Variants in EIF5B observed in about 807,000 individuals in gnomAD.
EIF5B encodes eukaryotic translation initiation factor 5B.
Under a neutral mutation model 147.5 loss-of-function variants are expected in EIF5B, and 47 were observed. The ratio of observed to expected loss-of-function variants is 0.32; its 90% CI spans 0.25 to 0.41. The LOEUF (loss-of-function observed/expected upper bound fraction) is 0.41, where lower values mean the gene tolerates loss of function less well. Among genes scored for constraint, EIF5B ranks in the 10% least tolerant of loss-of-function variants. The pLI is 1.00. For synonymous variants in EIF5B, 455 were observed against 456.2 expected (o/e 1.00, Z 0.03); for missense variants, 1,064 against 1,413.2 (o/e 0.75, Z 3.96).
At position 99,361,349 on chromosome 2, in the gene EIF5B, G is replaced by T. The variant is rs762706956; in HGVS notation, c.448G>T (p.Ala150Ser). The change falls in exon 4 of 24, where the codon GCT (alanine) becomes TCT (serine). Residue 150 changes from alanine to serine, a missense_variant. Coordinates refer to ENST00000289371, the MANE Select transcript of EIF5B (RefSeq NM_015904.4). ...TGATTTTAACAAACTTCCTAAAAAA[G>T]CTAAAGGGAAAGCTCAAAAATCAAA... ...DDDFNKLPKK[A>S]KGKAQKSNKK... 41 of 1,610,912 alleles carry T rather than the reference G, an allele frequency of 2.5e-5. No homozygotes were observed. The highest frequency in any genetic ancestry group is 3.3e-4 in the Middle Eastern group (2 of 6,074).
chr2:99,341,038 A>G (rs2094258386), intron 1 of EIF5B, among the ~76,000 whole-genome samples: 1 of 152,196 alleles, frequency 6.6e-6, no homozygotes, highest in Non-Finnish European at 1.5e-5. Flanking sequence ...GCCTGGAATT[A>G]CAGGTGTGAT....
chr2:99,342,300 C>T lies in EIF5B; in HGVS notation c.35+4711C>T, dbSNP rs539229020. On this transcript the variant is annotated intron_variant, in intron 1 of 23. Coordinates refer to ENST00000289371, the MANE Select transcript of EIF5B (RefSeq NM_015904.4). Reference sequence around the variant, plus strand: ...TTGAGATTGATTTCAATTGGGAGTCCATTAAGTTTATAGATTATTTGTGAC... The same window carrying T: ...TTGAGATTGATTTCAATTGGGAGTCTATTAAGTTTATAGATTATTTGTGAC... Among the ~76,000 whole-genome samples, 22 of 151,828 alleles carry T rather than the reference C, an allele frequency of 1.4e-4. No individual in the cohort carries two copies. In the South Asian group the frequency reaches 4.6e-3, roughly 32 times the overall value.
Position 99,399,609 on chromosome 2 carries a change from T to C in EIF5B, c.*195T>C. 2 of 535,556 alleles carry C rather than the reference T, an allele frequency of 3.7e-6. No homozygotes were observed. Among genetic ancestry groups the C allele is most frequent in the Non-Finnish European group, 6.7e-6 (2 of 296,348 alleles). The allele number at this position is 535,556 out of a possible 1,614,324, so 33.2% of individuals were successfully genotyped here. A position where few individuals can be genotyped will look rare whatever the true frequency, so the allele number is the denominator to read the frequency against. On this transcript the variant is annotated 3_prime_UTR_variant, in exon 24 of 24. Coordinates refer to ENST00000289371, the MANE Select transcript of EIF5B (RefSeq NM_015904.4). ...ACTGGTTTGACAGTGGTCAGTTACA[T>C]GTCCCCACAGTTCCAATGTGCCTGT...
At chr2:99,384,614 G>T (rs1584648) in intron 14 of EIF5B, among the ~76,000 whole-genome samples, 2 of 152,060 alleles carry the variant, frequency 1.3e-5, no homozygotes, top group Non-Finnish European at 2.9e-5. Context: ...TATGAAGAAC[G>T]TTCATGATCC....
chr2:99,364,581 AT>A (rs1400352970), intron 6 of EIF5B, among the ~76,000 whole-genome samples, 160 bp downstream of exon 6: 1 of 152,252 alleles, frequency 6.6e-6, no homozygotes, highest in Non-Finnish European at 1.5e-5. Flanking sequence ...ATGTCATTTC[AT>A]TGTTTAGGAA....
At position 99,379,127 on chromosome 2, in the gene EIF5B, G is replaced by T; in HGVS notation, c.1950+1G>T. ...AGGGAAGACAAAAATTCTAGATAAG[G>T]TAAGAAAGTATTAAATGTATTGATA... On this transcript the variant is annotated splice_donor_variant, in intron 11 of 23. Transcript: ENST00000289371. LOFTEE classifies it high-confidence loss of function. 6.3e-7 allele frequency: 1 copy of T among 1,590,286 alleles called. No homozygotes were observed. Among genetic ancestry groups the T allele is most frequent in the Non-Finnish European group, 8.6e-7 (1 of 1,169,060 alleles).
At chr2:99,371,588 C>CT in intron 8 of EIF5B, 68 bp from the exon 9 acceptor site, 2 of 1,363,768 alleles carry the variant, frequency 1.5e-6, no homozygotes, top group East Asian at 2.7e-5. Context: ...TAATTTTTTA[C>CT]TTTTTTCTAA....
chr2:99,358,740 A>G (rs1168474655), intron 1 of EIF5B, among the ~76,000 whole-genome samples: 1 of 152,130 alleles, frequency 6.6e-6, no homozygotes, highest in Non-Finnish European at 1.5e-5. Context: ...TGTGTCTGGT[A>G]TGTGTACCCC....
At position 99,400,165 on chromosome 2, in the gene EIF5B, C is replaced by T. The variant is rs1393501509; in HGVS notation, c.*751C>T. The T allele has an allele frequency of 1.3e-5, 2 of 152,212 alleles. No individual in the cohort carries two copies. The highest frequency in any genetic ancestry group is 3.8e-4 in the East Asian group (2 of 5,202). The allele number at this position is 152,212 out of a possible 1,614,324, so 9.4% of individuals were successfully genotyped here. ...TCTTACAAACTAAACTATCATCACA[C>T]TACCTTGTATGCCAGCACCTGGTAA... is the stretch of plus-strand genomic sequence containing the variant. On this transcript the variant is annotated 3_prime_UTR_variant, in exon 24 of 24. Coordinates refer to ENST00000289371, the MANE Select transcript of EIF5B (RefSeq NM_015904.4).
At position 99,379,132 on chromosome 2, in the gene EIF5B, A is replaced by G; in HGVS notation, c.1950+6A>G. On this transcript the variant is annotated splice_donor_region_variant and intron_variant, in intron 11 of 23. Coordinates refer to ENST00000289371, the MANE Select transcript of EIF5B (RefSeq NM_015904.4). Reference sequence around the variant, plus strand: ...AGACAAAAATTCTAGATAAGGTAAGAAAGTATTAAATGTATTGATAGAACT... The same window carrying G: ...AGACAAAAATTCTAGATAAGGTAAGGAAGTATTAAATGTATTGATAGAACT... 6.3e-7 allele frequency: 1 copy of G among 1,587,698 alleles called. No homozygotes were observed. Among genetic ancestry groups the G allele is most frequent in the African/African-American group, 1.4e-5 (1 of 73,706 alleles).
rs1324784290 is a variant in EIF5B at position 99,389,754 on chromosome 2, T to C, written c.2308T>C (p.Ser770Pro). Reference protein sequence around the residue: ...RLYDWKKSPDSDVAATLKKQK... With the variant: ...RLYDWKKSPDPDVAATLKKQK... Reference sequence around the variant, plus strand: ...ATATGATTGGAAAAAGAGTCCTGACTCTGATGTGGCTGCTACTTTAAAGAA... The same window carrying C: ...ATATGATTGGAAAAAGAGTCCTGACCCTGATGTGGCTGCTACTTTAAAGAA... The change falls in exon 15 of 24, where the codon TCT becomes CCT. Residue 770 changes from serine to proline, a missense_variant. Ser to Pro is a moderately conservative substitution (Grantham distance 74, BLOSUM62 -1). Around this residue, in one of 4 missense-constraint regions of EIF5B, gnomAD observed 380 missense variants for 715.6 expected, o/e 0.53. Transcript: ENST00000289371. 1.2e-6 allele frequency: 2 copies of C among 1,612,018 alleles called. No individual in the cohort carries two copies. The highest frequency in any genetic ancestry group is 1.7e-6 in the Non-Finnish European group (2 of 1,179,568).
At chr2:99,383,180 C>T (rs904109627) in intron 14 of EIF5B, among the ~76,000 whole-genome samples, 1 of 151,850 alleles carries the variant, frequency 6.6e-6, no homozygotes, top group African/African-American at 2.4e-5. Context: ...CTTGTGTTCA[C>T]TTCTTGTCAC....
intron 13 of EIF5B, 77 bp from the exon 14 acceptor site, chr2:99,382,703 C>A: frequency 7.2e-7 from 1 of 1,387,374 alleles, no homozygotes; most frequent in Non-Finnish European, 9.6e-7. Context: ...TTGGGTTTTA[C>A]AGAGAAGTTT....
intron 12 of EIF5B, among the ~76,000 whole-genome samples, chr2:99,381,277 A>G (rs1674682307): frequency 6.6e-6 from 1 of 152,208 alleles, no homozygotes; most frequent in African/African-American, 2.4e-5. Flanking sequence ...AACGTAAGGA[A>G]CAAGATTATT....
At chr2:99,345,960 TGTG>T (rs1156972304) in intron 1 of EIF5B, among the ~76,000 whole-genome samples, 4 of 130,306 alleles carry the variant, frequency 3.1e-5, no homozygotes, top group South Asian at 4.7e-4. Flanking sequence ...AAAAAAAAAA[TGTG>T]GTGAATTGGG....
chr2:99,373,099 A>AT (rs1466664087), intron 9 of EIF5B, among the ~76,000 whole-genome samples: 1 of 152,180 alleles, frequency 6.6e-6, no homozygotes, highest in Non-Finnish European at 1.5e-5. Context: ...ATTGATATAT[A>AT]TATTTCTAAC....
In EIF5B at chr2:99,400,153, A is replaced by G. The variant is rs1675186886; in HGVS notation, c.*739A>G. On this transcript the variant is annotated 3_prime_UTR_variant, in exon 24 of 24. Coordinates refer to ENST00000289371, the MANE Select transcript of EIF5B (RefSeq NM_015904.4). ...GGACAAGAATTATCTTACAAACTAAACTATCATCACACTACCTTGTATGCC... is the reference window on the plus strand; with the variant it reads ...GGACAAGAATTATCTTACAAACTAAGCTATCATCACACTACCTTGTATGCC... The G allele has an allele frequency of 6.6e-6, 1 of 151,822 alleles. No homozygotes were observed. Among genetic ancestry groups the G allele is most frequent in the South Asian group, 2.1e-4 (1 of 4,828 alleles). The allele number at this position is 151,822 out of a possible 1,614,324, so 9.4% of individuals were successfully genotyped here. A position where few individuals can be genotyped will look rare whatever the true frequency, so the allele number is the denominator to read the frequency against.
chr2:99,361,968 A>G, intron 4 of EIF5B, 148 bp downstream of exon 4: 5 of 556,358 alleles, frequency 9.0e-6, no homozygotes, highest in African/African-American at 3.9e-5. Context: ...ACGTCTAAGT[A>G]TTTGACTTGA....
At position 99,400,390 on chromosome 2, in the gene EIF5B, T is replaced by C. The variant is rs1409655198; in HGVS notation, c.*976T>C. Reference sequence around the variant, plus strand: ...ACAAAACTTAATGATTCATTCGTAGTAGTAATCTGTAGCTAGTTTTAGGGT... The same window carrying C: ...ACAAAACTTAATGATTCATTCGTAGCAGTAATCTGTAGCTAGTTTTAGGGT... On this transcript the variant is annotated 3_prime_UTR_variant, in exon 24 of 24. Transcript: ENST00000289371. 1 of 152,260 alleles carries C rather than the reference T, an allele frequency of 6.6e-6. No individual in the cohort carries two copies. The highest frequency in any genetic ancestry group is 1.5e-5 in the Non-Finnish European group (1 of 68,052). 9.4% of individuals were successfully genotyped at this position (152,260 alleles called of 1,614,324 possible).
Sources: gnomAD v4.1 joint callset for allele counts (sites outside exome capture counted in the v4.1 genomes callset) on GRCh38, gnomAD v4.1.1 for gene constraint, gnomAD v4.1.1 regional missense constraint, MANE v1.5 for transcripts, NCBI Gene and HGNC (gene_info 2026-07-23, HGNC 2026-07-21) for gene names.